NAT1: variants seen among roughly 807,000 people sequenced by gnomAD.
The protein encoded by NAT1 is arylamine N-acetyltransferase 1.
For synonymous variants in NAT1, 144 were observed against 122.6 expected (o/e 1.17, Z -1.16); for missense variants, 400 against 339.2 (o/e 1.18, Z -1.41).
At chr8:18,183,916 C>T (rs1345830991) in intron 2 of NAT1, among the ~76,000 whole-genome samples, 2 of 152,206 alleles carry the variant, frequency 1.3e-5, no homozygotes, top group Non-Finnish European at 2.9e-5. Flanking sequence ...TCAGACAACC[C>T]TGCCCCTATG....
At chr8:18,185,767 G>T (rs539606472) in intron 2 of NAT1, among the ~76,000 whole-genome samples, 1 of 151,250 alleles carries the variant, frequency 6.6e-6, no homozygotes, top group East Asian at 1.9e-4. Flanking sequence ...CTTTTCTTAC[G>T]TATGCTTAAA....
At chr8:18,179,205 G>A (rs140169073) in intron 2 of NAT1, among the ~76,000 whole-genome samples, 1 of 152,192 alleles carries the variant, frequency 6.6e-6, no homozygotes, top group Non-Finnish European at 1.5e-5. Flanking sequence ...GGTGGGGATT[G>A]TGTCTTAGTC....
intron 2 of NAT1, among the ~76,000 whole-genome samples, chr8:18,172,890 C>G (rs1317937256): frequency 1.3e-5 from 2 of 152,098 alleles, no homozygotes; most frequent in Admixed American, 6.6e-5. Flanking sequence ...GCCAGGGAGA[C>G]TTTCTAAAAC....
chr8:18,204,522 T>C (rs1393555650), intron 2 of NAT1, among the ~76,000 whole-genome samples: 1 of 151,860 alleles, frequency 6.6e-6, no homozygotes, highest in African/African-American at 2.4e-5. Context: ...TAAACATAAG[T>C]TTAAGTTTAT....
At chr8:18,206,640 C>T (rs553869420), upstream of NAT1, among the ~76,000 whole-genome samples, 116 of 152,244 alleles carry the variant, frequency 7.6e-4, 1 homozygote, top group Non-Finnish European at 1.4e-3. Context: ...TGTTCATGTC[C>T]TTTGCCCACT....
intron 2 of NAT1, 85 bp from the exon 3 acceptor site, chr8:18,221,957 T>G: frequency 2.3e-6 from 3 of 1,317,602 alleles, no homozygotes; most frequent in Non-Finnish European, 3.1e-6. Flanking sequence ...TATTTTTACA[T>G]GTTTAAAATA....
intron 2 of NAT1, among the ~76,000 whole-genome samples, chr8:18,192,985 T>C (rs558726943): frequency 4.0e-5 from 6 of 150,034 alleles, no homozygotes; most frequent in South Asian, 4.2e-4. Context: ...AAACTTAAAG[T>C]ATAATAATAA....
intron 2 of NAT1, among the ~76,000 whole-genome samples, chr8:18,195,468 T>TAC (rs386412209): frequency 4.0e-5 from 6 of 151,200 alleles, no homozygotes; most frequent in African/African-American, 1.5e-4. Flanking sequence ...ACACCTGTAA[T>TAC]AGCTGGACAA....
upstream of NAT1, among the ~76,000 whole-genome samples, chr8:18,208,751 G>A (rs552637233): frequency 6.6e-6 from 1 of 152,308 alleles, no homozygotes; most frequent in East Asian, 1.9e-4. Context: ...ACTGGGCAGA[G>A]CCTCCAAGGC....
At chr8:18,190,878 C>T (rs183387588) in intron 2 of NAT1, among the ~76,000 whole-genome samples, 37 of 152,120 alleles carry the variant, frequency 2.4e-4, no homozygotes, top group African/African-American at 5.1e-4. Context: ...ACCAGCCTGG[C>T]CAACACAGTG....
intron 2 of NAT1, among the ~76,000 whole-genome samples, chr8:18,171,688 T>C: frequency 6.6e-6 from 1 of 152,188 alleles, no homozygotes; most frequent in Non-Finnish European, 1.5e-5. Flanking sequence ...GATTGGTCTG[T>C]TACACAATTC....
At chr8:18,187,177 A>G (rs1802772357) in intron 2 of NAT1, among the ~76,000 whole-genome samples, 1 of 152,216 alleles carries the variant, frequency 6.6e-6, no homozygotes, top group South Asian at 2.1e-4. Flanking sequence ...CACTGTGGTT[A>G]TTATTAAAAC....
chr8:18,217,026 C>T (rs781248188), intron 1 of NAT1: 1 of 1,475,646 alleles, frequency 6.8e-7, no homozygotes, highest in African/African-American at 1.4e-5. Context: ...CCTCCAGTTT[C>T]GCATACAAAA....
At chr8:18,202,791 G>T (rs971017847) in intron 2 of NAT1, among the ~76,000 whole-genome samples, 1 of 152,124 alleles carries the variant, frequency 6.6e-6, no homozygotes, top group East Asian at 1.9e-4. Context: ...AAGATTTATT[G>T]TGAAGAGTGA....
chr8:18,201,135 G>C (rs867490230), intron 2 of NAT1: 3 of 152,280 alleles, frequency 2.0e-5, no homozygotes, highest in African/African-American at 7.2e-5. Context: ...CATTAGATGA[G>C]ATCGGTAAAT....
At chr8:18,204,679 T>A (rs893284015) in intron 2 of NAT1, among the ~76,000 whole-genome samples, 1 of 152,178 alleles carries the variant, frequency 6.6e-6, no homozygotes, top group Non-Finnish European at 1.5e-5. Context: ...ACTTCCCATG[T>A]TTTTCACTGG....
At chr8:18,176,152 T>G (rs772894643) in intron 2 of NAT1, among the ~76,000 whole-genome samples, 5 of 152,026 alleles carry the variant, frequency 3.3e-5, no homozygotes, top group Non-Finnish European at 7.4e-5. Context: ...TCCCCATCCG[T>G]GGGTGGTCTG....
intron 2 of NAT1, among the ~76,000 whole-genome samples, chr8:18,198,195 A>T (rs1164255754): frequency 6.6e-6 from 1 of 152,180 alleles, no homozygotes; most frequent in Non-Finnish European, 1.5e-5. Flanking sequence ...TTCCTCCAGA[A>T]TCAGAGAAAT....
intron 2 of NAT1, among the ~76,000 whole-genome samples, chr8:18,198,990 C>T (rs1589083013): frequency 6.6e-6 from 1 of 152,074 alleles, no homozygotes. Context: ...AAAGGGCCTT[C>T]TGCTTTTAGT....
Sources: allele counts gnomAD v4.1 joint callset (sites outside exome capture counted in the v4.1 genomes callset), GRCh38; gene constraint gnomAD v4.1.1; transcripts MANE v1.5; gene names NCBI Gene and HGNC (gene_info 2026-07-23, HGNC 2026-07-21).